PSD3: variants seen among roughly 807,000 people sequenced by gnomAD.
PSD3 encodes the protein pleckstrin and Sec7 domain containing 3.
Under a neutral mutation model 105.5 loss-of-function variants are expected in PSD3, and 49 were observed. The ratio of observed to expected loss-of-function variants is 0.46; its 90% CI spans 0.37 to 0.59. The LOEUF is 0.59. Ranked by LOEUF, PSD3 falls within the 20% of genes least tolerant of loss-of-function variation. PSD3 has a pLI of 0.00. For missense variants in PSD3, 1,561 were observed against 1,263.8 expected, an observed-to-expected ratio of 1.24 and a Z score of -3.57; for synonymous variants, 557 against 457.8, an observed-to-expected ratio of 1.22 and a Z score of -2.77.
chr8:18,545,307 CA>C, intron 15 of PSD3, among the ~76,000 whole-genome samples: 1 of 152,150 alleles, frequency 6.6e-6, no homozygotes, highest in East Asian at 1.9e-4. Context: ...ACAAACAGAG[CA>C]ACCTTACGAA....
intron 2 of PSD3, among the ~76,000 whole-genome samples, chr8:18,897,681 C>T (rs1475722674): frequency 3.9e-5 from 6 of 152,168 alleles, no homozygotes; most frequent in South Asian, 2.1e-4. Flanking sequence ...CAATTTCTTA[C>T]ATCAGTGTTT....
chr8:18,718,222 C>G (rs1201207057), intron 9 of PSD3, among the ~76,000 whole-genome samples: 1 of 152,204 alleles, frequency 6.6e-6, no homozygotes, highest in Non-Finnish European at 1.5e-5. Context: ...GTCTTCTACC[C>G]TCACAATCTT....
At position 18,632,778 on chromosome 8, in the gene PSD3, A is replaced by G. The variant is rs781774278; in HGVS notation, c.2245T>C (p.Ser749Pro). 6.3e-7 allele frequency: 1 copy of G among 1,592,894 alleles called. No individual in the cohort carries two copies. Among genetic ancestry groups the G allele is most frequent in the Admixed American group, 1.7e-5 (1 of 58,678 alleles). Residue 749 changes from serine to proline, a missense_variant, in exon 11 of 16, where the codon TCA (serine) becomes CCA (proline). Ser to Pro is a moderately conservative substitution (Grantham distance 74). Coordinates refer to ENST00000327040, the MANE Select transcript of PSD3 (RefSeq NM_015310.4). Reference protein sequence around the residue: ...VDDEEKKKSPSESTEEKANGT... With the variant: ...VDDEEKKKSPPESTEEKANGT... Reference sequence around the variant, plus strand: ...TTAGCTTTCTCCTCAGTACTTTCTGAGGGAGACTTTTTTTTCTCTTCATCA... The same window carrying G: ...TTAGCTTTCTCCTCAGTACTTTCTGGGGGAGACTTTTTTTTCTCTTCATCA...
chr8:18,683,375 T>A (rs1388552753), intron 9 of PSD3, among the ~76,000 whole-genome samples: 1 of 152,184 alleles, frequency 6.6e-6, no homozygotes, highest in African/African-American at 2.4e-5. Context: ...AAAAAGGAAC[T>A]AACTGAAAGA....
At chr8:18,817,038 G>A (rs1355289293) in intron 4 of PSD3, among the ~76,000 whole-genome samples, 4 of 152,166 alleles carry the variant, frequency 2.6e-5, no homozygotes, top group Admixed American at 6.5e-5. Context: ...TGGGCAAGAT[G>A]GCGTTTGGTA....
At chr8:18,641,009 C>G (rs1807603554) in intron 10 of PSD3, among the ~76,000 whole-genome samples, 1 of 152,182 alleles carries the variant, frequency 6.6e-6, no homozygotes, top group Admixed American at 6.5e-5. Context: ...ACTCAGGTCC[C>G]AGTCACATTC....
At chr8:18,827,693 C>T (rs1813312682) in intron 4 of PSD3, among the ~76,000 whole-genome samples, 1 of 151,890 alleles carries the variant, frequency 6.6e-6, no homozygotes, top group African/African-American at 2.4e-5. Context: ...GTCGAGGTGA[C>T]AGATGAGAAG....
chr8:18,587,694 G>A (rs1205631193), intron 12 of PSD3, among the ~76,000 whole-genome samples: 2 of 152,038 alleles, frequency 1.3e-5, no homozygotes, highest in African/African-American at 4.8e-5. Context: ...ATTTTTCCAC[G>A]CCTCTATTAA....
At chr8:18,918,811 A>G (rs1446741556) in intron 2 of PSD3, among the ~76,000 whole-genome samples, 1 of 152,032 alleles carries the variant, frequency 6.6e-6, no homozygotes, top group Non-Finnish European at 1.5e-5. Context: ...TTGGTCTTCT[A>G]CGTGGAGGGA....
intron 12 of PSD3, among the ~76,000 whole-genome samples, chr8:18,587,502 T>C (rs576839021): frequency 4.0e-4 from 61 of 152,316 alleles, no homozygotes; most frequent in Non-Finnish European, 5.1e-4. Context: ...TGCCACTCTT[T>C]GAATATGCCA....
At chr8:18,911,083 G>C (rs555951213) in intron 2 of PSD3, among the ~76,000 whole-genome samples, 14 of 152,176 alleles carry the variant, frequency 9.2e-5, no homozygotes, top group South Asian at 4.1e-4. Flanking sequence ...ACTCCATCCT[G>C]GGCAATAGAA....
chr8:18,604,600 A>T (rs1284579956), intron 11 of PSD3, among the ~76,000 whole-genome samples: 1 of 152,220 alleles, frequency 6.6e-6, no homozygotes, highest in Non-Finnish European at 1.5e-5. Flanking sequence ...AAATTTGCAT[A>T]AATTAAAAAG....
chr8:18,742,950 A>G (rs1003552522), intron 9 of PSD3, among the ~76,000 whole-genome samples: 8 of 152,194 alleles, frequency 5.3e-5, no homozygotes, highest in African/African-American at 1.9e-4. Context: ...AGTGGCTGAG[A>G]GCACAGTCAG....
intron 4 of PSD3, among the ~76,000 whole-genome samples, chr8:18,824,376 G>C (rs1382797395): frequency 6.6e-6 from 1 of 152,102 alleles, no homozygotes; most frequent in Non-Finnish European, 1.5e-5. Context: ...AAATTTGGAG[G>C]CTCAAGCCGA....
intron 4 of PSD3, among the ~76,000 whole-genome samples, chr8:18,845,240 G>C (rs1333318863): frequency 6.6e-6 from 1 of 152,104 alleles, no homozygotes; most frequent in East Asian, 1.9e-4. Flanking sequence ...TGAGTTAAAG[G>C]GTATTGATCA....
intron 9 of PSD3, among the ~76,000 whole-genome samples, chr8:18,676,800 C>T (rs1027037370): frequency 2.6e-5 from 4 of 152,246 alleles, no homozygotes; most frequent in Admixed American, 6.5e-5. Context: ...CCTGCTGCTT[C>T]CTGCAGAGCC....
chr8:18,812,732 C>A (rs1811802425), intron 4 of PSD3, among the ~76,000 whole-genome samples: 1 of 152,224 alleles, frequency 6.6e-6, no homozygotes, highest in East Asian at 1.9e-4. Context: ...ATTGGCTATC[C>A]AAGTAGGATG....
intron 12 of PSD3, among the ~76,000 whole-genome samples, chr8:18,584,300 G>C (rs1443227826): frequency 2.0e-5 from 3 of 152,312 alleles, no homozygotes; most frequent in African/African-American, 7.2e-5. Flanking sequence ...TTGCTGTGCA[G>C]TGGCCAAGTT....
At chr8:19,060,007 G>C (rs751759008) in intron 1 of PSD3, among the ~76,000 whole-genome samples, 2 of 152,222 alleles carry the variant, frequency 1.3e-5, no homozygotes, top group African/African-American at 2.4e-5. Flanking sequence ...CTTGAAATAA[G>C]TGCTTTTGAC....
Sources: gnomAD v4.1 joint callset for allele counts (sites outside exome capture counted in the v4.1 genomes callset) on GRCh38, gnomAD v4.1.1 for gene constraint, MANE v1.5 for transcripts, NCBI Gene and HGNC (gene_info 2026-07-23, HGNC 2026-07-21) for gene names.